The following TNFAIP8 variants were observed in gnomAD, a reference collection of about 807,000 sequenced individuals.
TNFAIP8 encodes tumor necrosis factor alpha-induced protein 8.
Under a neutral mutation model 13.3 loss-of-function variants are expected in TNFAIP8, and 7 were observed. The ratio of observed to expected loss-of-function variants is 0.52; its 90% CI spans 0.30 to 0.99. TNFAIP8 has a LOEUF of 0.99. TNFAIP8 is among the 50% of genes least tolerant of loss of function. TNFAIP8 has a pLI of 0.07. For missense variants in TNFAIP8, 258 were observed against 236.9 expected (o/e 1.09, Z -0.58); for synonymous variants, 94 against 87.6 (o/e 1.07, Z -0.41).
chr5:119,364,000 G>A (rs190494231), intron 1 of TNFAIP8, among the ~76,000 whole-genome samples: 1 of 152,302 alleles, frequency 6.6e-6, no homozygotes, highest in African/African-American at 2.4e-5. Context: ...GAGATGTGTA[G>A]GACAAAATAC....
chr5:119,388,856 C>T (rs946942612), intron 1 of TNFAIP8, among the ~76,000 whole-genome samples: 4 of 150,804 alleles, frequency 2.7e-5, no homozygotes, highest in Non-Finnish European at 5.9e-5. Context: ...GTTGCCCAGG[C>T]TGGTCTCAAA....
At chr5:119,329,329 A>G (rs564556091) in intron 1 of TNFAIP8, among the ~76,000 whole-genome samples, 1 of 152,314 alleles carries the variant, frequency 6.6e-6, no homozygotes, top group African/African-American at 2.4e-5. Flanking sequence ...AAAAAGGCCT[A>G]CCTTCCCACA....
intron 1 of TNFAIP8, among the ~76,000 whole-genome samples, chr5:119,319,888 T>C (rs78351214): frequency 1.0e-3 from 159 of 152,300 alleles, no homozygotes; most frequent in African/African-American, 3.7e-3. Flanking sequence ...TTTTCGTTTG[T>C]TTGAAAGATG....
chr5:119,370,150 C>G (rs1280183352), intron 1 of TNFAIP8, among the ~76,000 whole-genome samples: 1 of 152,134 alleles, frequency 6.6e-6, no homozygotes, highest in Non-Finnish European at 1.5e-5. Context: ...AAGCAGCTCT[C>G]TGTTTTAATT....
rs531887490 is a variant in TNFAIP8 at position 119,338,014 on chromosome 5, C to T, written c.2-54802C>T. Among the ~76,000 whole-genome samples the T allele has an allele frequency of 3.2e-4, 48 of 152,282 alleles. No homozygotes were observed. The South Asian group carries it at 9.7e-3, about 31-fold the overall frequency. ...GGCCAGGGCTTTCCGCTGATTTGCC[C>T]CTCTCCTGCTAACTGCTGAATAATG... On this transcript the variant is annotated intron_variant, in intron 1 of 1. Coordinates refer to the TNFAIP8 transcript ENST00000274456.
At chr5:119,347,046 C>T (rs532810420) in intron 1 of TNFAIP8, among the ~76,000 whole-genome samples, 44 of 152,368 alleles carry the variant, frequency 2.9e-4, no homozygotes, top group African/African-American at 1.0e-3. Context: ...ATAAGACTTA[C>T]TGCCACTGTT....
chr5:119,282,172 C>T (rs1367207244), intron 1 of TNFAIP8, among the ~76,000 whole-genome samples: 4 of 152,138 alleles, frequency 2.6e-5, no homozygotes, highest in African/African-American at 9.7e-5. Flanking sequence ...GTGACTTGGT[C>T]AACCCTGTTC....
intron 1 of TNFAIP8, among the ~76,000 whole-genome samples, chr5:119,288,234 G>C (rs886580065): frequency 6.6e-6 from 1 of 151,882 alleles, no homozygotes; most frequent in Admixed American, 6.6e-5. Context: ...ACATTATTTT[G>C]TACACAGTTT....
At position 119,336,856 on chromosome 5, in the gene TNFAIP8, C is replaced by T. The variant is rs1187917518; in HGVS notation, c.2-55960C>T. 2.6e-5 allele frequency among the ~76,000 whole-genome samples: 4 copies of T among 152,184 alleles called. No individual in the cohort carries two copies. In the East Asian group the frequency reaches 5.8e-4, roughly 22 times the overall value. ...TTACTAGTTGAGGAGAGAATGTGAA[C>T]TCGCCACCAAGTACAGCTTAACATG... On this transcript the variant is annotated intron_variant, in intron 1 of 1. Transcript: ENST00000274456.
At chr5:119,268,939 C>T (rs1159145718) in intron 1 of TNFAIP8, 3 of 695,938 alleles carry the variant, frequency 4.3e-6, no homozygotes, top group African/African-American at 3.6e-5. Flanking sequence ...CCGTCCCGCG[C>T]ACACTCCAGC....
intron 1 of TNFAIP8, among the ~76,000 whole-genome samples, chr5:119,275,793 T>C (rs1427190496): frequency 6.6e-6 from 1 of 152,078 alleles, no homozygotes; most frequent in East Asian, 1.9e-4. Flanking sequence ...GATCATAACA[T>C]AGTATTAATT....
chr5:119,359,719 G>A (rs926876016), intron 1 of TNFAIP8, among the ~76,000 whole-genome samples: 1 of 152,192 alleles, frequency 6.6e-6, no homozygotes, highest in Non-Finnish European at 1.5e-5. Flanking sequence ...GGACTATTTT[G>A]TAAGTTTTCT....
rs1278076719 is a variant in TNFAIP8 at position 119,295,212 on chromosome 5, ACG to A, written c.1+26306_1+26307del. 2.2e-4 allele frequency among the ~76,000 whole-genome samples: 11 copies of A among 49,344 alleles called. 1 individual carries two copies. The highest frequency in any genetic ancestry group is 2.0e-3 in the East Asian group (6 of 3,044). 32.4% of individuals were successfully genotyped at this position (49,344 alleles called of 152,430 possible). A position where few individuals can be genotyped will look rare whatever the true frequency, so the allele number is the denominator to read the frequency against. ...GTCTAACGTTAGACCTATAGGTCTA[ACG>A]TTTAGTCTAACGTTAGACCTATAGG... is the stretch of plus-strand genomic sequence containing the variant. On this transcript the variant is annotated intron_variant, in intron 1 of 1. Coordinates refer to the TNFAIP8 transcript ENST00000274456.
chr5:119,384,644 G>C (rs912599310), intron 1 of TNFAIP8, among the ~76,000 whole-genome samples: 8 of 152,078 alleles, frequency 5.3e-5, no homozygotes, highest in Non-Finnish European at 7.4e-5. Flanking sequence ...TAAACCTCTG[G>C]CTCTGACTTT....
At chr5:119,282,238 G>A (rs1274090629) in intron 1 of TNFAIP8, among the ~76,000 whole-genome samples, 1 of 152,026 alleles carries the variant, frequency 6.6e-6, no homozygotes, top group Non-Finnish European at 1.5e-5. Flanking sequence ...CTCAGTAGCT[G>A]TAGGTTTTTT....
chr5:119,270,462 A>G (rs980542764), intron 1 of TNFAIP8, among the ~76,000 whole-genome samples: 2 of 152,192 alleles, frequency 1.3e-5, no homozygotes, highest in Non-Finnish European at 2.9e-5. Context: ...GGGTCTTGCT[A>G]TGTTGTCCAA....
chr5:119,391,273 A>G, intron 1 of TNFAIP8: 1 of 652,194 alleles, frequency 1.5e-6, no homozygotes. Context: ...AAATAATCTT[A>G]TATAATCATT....
At chr5:119,335,708 T>C (rs1025944228) in intron 1 of TNFAIP8, among the ~76,000 whole-genome samples, 2 of 152,100 alleles carry the variant, frequency 1.3e-5, no homozygotes, top group Non-Finnish European at 1.5e-5. Context: ...TTCCAGGTAC[T>C]AAGGCAGTGA....
At chr5:119,273,110 C>T (rs549364210) in intron 1 of TNFAIP8, among the ~76,000 whole-genome samples, 1 of 152,378 alleles carries the variant, frequency 6.6e-6, no homozygotes, top group East Asian at 1.9e-4. Context: ...GCTCATGTCT[C>T]AGCCCCTGCT....
Sources: gnomAD v4.1 joint callset for allele counts (sites outside exome capture counted in the v4.1 genomes callset) on GRCh38, gnomAD v4.1.1 for gene constraint, MANE v1.5 for transcripts, NCBI Gene and HGNC (gene_info 2026-07-23, HGNC 2026-07-21) for gene names.